PDE8B: variants seen among roughly 807,000 people sequenced by gnomAD.
The protein encoded by PDE8B is phosphodiesterase 8B.
Under a neutral mutation model 101.3 loss-of-function variants are expected in PDE8B, and 26 were observed. The ratio of observed to expected loss-of-function variants is 0.26; its 90% CI spans 0.19 to 0.36. PDE8B has a LOEUF of 0.36. PDE8B is among the 10% of genes least tolerant of loss of function. PDE8B has a pLI of 1.00. For missense variants in PDE8B, 810 were observed against 1,163.1 expected (o/e 0.70, Z 4.42); for synonymous variants, 424 against 429.3 (o/e 0.99, Z 0.15).
intron 10 of PDE8B, among the ~76,000 whole-genome samples, chr5:77,385,746 G>C (rs1788429287): frequency 6.6e-6 from 1 of 150,778 alleles, no homozygotes; most frequent in Non-Finnish European, 1.5e-5. Flanking sequence ...AGTCATTCAG[G>C]AGCAGGTTGT....
At chr5:77,115,643 A>G in the PDE8B span, among the ~76,000 whole-genome samples, 4 of 152,236 alleles carry the variant, frequency 2.6e-5, no homozygotes, top group Non-Finnish European at 5.9e-5. Flanking sequence ...AAGAACCTGA[A>G]GGACCTGAGG....
chr5:77,312,181 G>C lies in PDE8B; in HGVS notation c.399+128G>C, dbSNP rs6875032. ...TGTAGAGGCTCAGTCTCGGCTCACT[G>C]CAACCTCTGCCTCCTGGGTTCAAGC... On this transcript the variant is annotated intron_variant, in intron 2 of 21. Transcript: ENST00000264917. The C allele has an allele frequency of 1.5e-4, 102 of 689,788 alleles. No homozygotes were observed. The African/African-American group carries it at 1.7e-3, about 12-fold the overall frequency. The allele number at this position is 689,788 out of a possible 1,614,324, so 42.7% of individuals were successfully genotyped here. A position where few individuals can be genotyped will look rare whatever the true frequency, so the allele number is the denominator to read the frequency against.
intron 6 of PDE8B, among the ~76,000 whole-genome samples, chr5:77,343,560 G>T (rs776424783): frequency 5.9e-5 from 9 of 152,216 alleles, no homozygotes; most frequent in Non-Finnish European, 1.2e-4. Context: ...TTGCAGGACT[G>T]GGAGTTGCTC....
chr5:77,133,180 T>C, the PDE8B span, among the ~76,000 whole-genome samples: 1 of 152,234 alleles, frequency 6.6e-6, no homozygotes, highest in African/African-American at 2.4e-5. Flanking sequence ...AAAACACTTG[T>C]GTGGTTGGGC....
Position 77,319,984 on chromosome 5 carries a change from TTAAA to T in PDE8B, c.400-5549_400-5546del, listed in dbSNP as rs368779049. ...TTCTAATATTTTAAGTTACAGTATA[TTAAA>T]TAAATTTTAGCTTTATATTTTTTCA... is the stretch of plus-strand genomic sequence containing the variant. On this transcript the variant is annotated intron_variant, in intron 2 of 21. Coordinates refer to ENST00000264917, the MANE Select transcript of PDE8B (RefSeq NM_003719.5). Among the ~76,000 whole-genome samples, 923 of 152,288 alleles carry T rather than the reference TTAAA, an allele frequency of 6.1e-3. 7 individuals are homozygous for T. The highest frequency in any genetic ancestry group is 6.8e-3 in the Non-Finnish European group (463 of 68,028).
At chr5:77,250,237 T>G (rs897873921) in intron 1 of PDE8B, among the ~76,000 whole-genome samples, 1 of 152,216 alleles carries the variant, frequency 6.6e-6, no homozygotes, top group African/African-American at 2.4e-5. Context: ...TCATTTACAT[T>G]TTTACGAATT....
chr5:77,136,270 A>C, the PDE8B span, among the ~76,000 whole-genome samples: 1 of 152,050 alleles, frequency 6.6e-6, no homozygotes, highest in Non-Finnish European at 1.5e-5. Flanking sequence ...TACTTCCTCT[A>C]AGTAGCCTTT....
rs752084897 is a variant in PDE8B at position 77,421,888 on chromosome 5, A to G, written c.2318A>G (p.Lys773Arg). The change falls in exon 20 of 22, where the codon AAA becomes AGA. Residue 773 changes from lysine (K) to arginine (R), a missense_variant. By Grantham distance (26) the Lys-to-Arg change is conservative. Around this residue, in one of 4 missense-constraint regions of PDE8B, gnomAD observed 325 missense variants for 560.9 expected, o/e 0.58. Transcript: ENST00000264917. The part of the protein sequence containing the change: ...KNFPENQILI[K>R]RMMIKCADVA... ...TTCCCTGAAAACCAAATCCTGATCA[A>G]ACGCATGATGATTAAGTGTGCTGAC... The G allele has an allele frequency of 5.8e-5, 93 of 1,614,030 alleles. No homozygotes were observed. The highest frequency in any genetic ancestry group is 7.3e-5 in the Non-Finnish European group (86 of 1,179,998).
chr5:77,150,144 C>CAT, the PDE8B span, among the ~76,000 whole-genome samples: 1 of 152,152 alleles, frequency 6.6e-6, no homozygotes, highest in African/African-American at 2.4e-5. Context: ...CATATAAGCT[C>CAT]ATATCACAGT....
chr5:77,289,212 G>A (rs1393092721), intron 1 of PDE8B, among the ~76,000 whole-genome samples: 1 of 152,102 alleles, frequency 6.6e-6, no homozygotes, highest in Non-Finnish European at 1.5e-5. Flanking sequence ...AGGTGAAAAG[G>A]GAAATGATAA....
At chr5:77,260,369 G>A (rs1008571824) in intron 1 of PDE8B, among the ~76,000 whole-genome samples, 3 of 152,000 alleles carry the variant, frequency 2.0e-5, no homozygotes, top group African/African-American at 7.2e-5. Context: ...AAAGGAGGAG[G>A]CCTTTTCCTG....
At chr5:77,331,561 A>T in intron 5 of PDE8B, 102 bp downstream of exon 5, 4 of 925,506 alleles carry the variant, frequency 4.3e-6, no homozygotes, top group Non-Finnish European at 7.1e-6. Context: ...TGTTAAGGAA[A>T]TTAAGCCCCA....
chr5:77,205,776 T>C (rs1006501300), upstream of PDE8B, among the ~76,000 whole-genome samples: 1 of 152,206 alleles, frequency 6.6e-6, no homozygotes, highest in African/African-American at 2.4e-5. Flanking sequence ...ACATTGTCTA[T>C]ATTTGTAATC....
At chr5:77,088,364 T>C in the PDE8B span, 202 of 152,298 alleles carry the variant, frequency 1.3e-3, 1 homozygote, top group African/African-American at 4.6e-3. Context: ...ACCAGCTCAA[T>C]AGACCCTCTG....
chr5:77,210,240 C>A (rs1378949391), upstream of PDE8B, among the ~76,000 whole-genome samples: 3 of 151,950 alleles, frequency 2.0e-5, no homozygotes, highest in African/African-American at 7.2e-5. This position sits in a 1 kb window ranked among gnomAD's most constrained non-coding sequence, Gnocchi z 4.9. Context: ...GCAGAAGAGA[C>A]GAGGCCTCTG....
At chr5:77,216,712 G>A (rs938324573) in intron 1 of PDE8B, among the ~76,000 whole-genome samples, 5 of 152,200 alleles carry the variant, frequency 3.3e-5, no homozygotes, top group Admixed American at 2.0e-4. Context: ...TAGCCTTCAG[G>A]AGTGGACAGG....
At chr5:77,352,525 G>A (rs1781344602) in intron 9 of PDE8B, among the ~76,000 whole-genome samples, 1 of 152,188 alleles carries the variant, frequency 6.6e-6, no homozygotes, top group African/African-American at 2.4e-5. Context: ...AGCTATCAGA[G>A]GCAATTCTTA....
the PDE8B span, among the ~76,000 whole-genome samples, chr5:77,170,697 C>G: frequency 6.6e-6 from 1 of 152,120 alleles, no homozygotes; most frequent in Non-Finnish European, 1.5e-5. Context: ...TATATAGAAA[C>G]ACATATGGAA....
intron 10 of PDE8B, among the ~76,000 whole-genome samples, chr5:77,365,502 G>A (rs1310798714): frequency 6.6e-6 from 1 of 152,174 alleles, no homozygotes; most frequent in Non-Finnish European, 1.5e-5. Context: ...GAACTGCCAG[G>A]GGTAGGGACC....
Sources: allele counts gnomAD v4.1 joint callset (sites outside exome capture counted in the v4.1 genomes callset), GRCh38; gene constraint gnomAD v4.1.1; regional missense constraint gnomAD v4.1.1; non-coding constraint Gnocchi (gnomAD v3.1); transcripts MANE v1.5; gene names NCBI Gene and HGNC (gene_info 2026-07-23, HGNC 2026-07-21).